Variants in OGFOD1 observed in about 807,000 individuals in gnomAD.
OGFOD1 encodes 2-oxoglutarate and iron dependent oxygenase domain containing 1, also known as prolyl 3-hydroxylase OGFOD1.
A neutral mutation model predicts 67.7 loss-of-function variants in OGFOD1; 54 were observed. That is an observed-to-expected ratio of 0.80 (90% CI 0.64 to 1.00). The LOEUF is 1.00. Among genes scored for constraint, OGFOD1 ranks in the 50% least tolerant of loss-of-function variants. The pLI is 0.00. For missense variants in OGFOD1, 606 were observed against 646.7 expected (o/e 0.94, Z 0.68); for synonymous variants, 221 against 227.0 (o/e 0.97, Z 0.24).
rs201952873 is a variant in OGFOD1 at position 56,470,073 on chromosome 16, C to G, written c.971C>G (p.Pro324Arg). The change falls in exon 9 of 13, where the codon CCT (proline) becomes CGT (arginine). Residue 324 changes from proline to arginine, a missense_variant. Transcript: ENST00000566157. Reference sequence around the variant, plus strand: ...GTGGAATGGAGCAGCCGAGGTCCCCCTAACAAAAGGTAGAACCCGTCATCT... The same window carrying G: ...GTGGAATGGAGCAGCCGAGGTCCCCGTAACAAAAGGTAGAACCCGTCATCT... ...GHVEWSSRGP[P>R]NKRFYEKAEE... The G allele has an allele frequency of 1.5e-5, 25 of 1,613,746 alleles. No homozygotes were observed. The highest frequency in any genetic ancestry group is 2.1e-5 in the Non-Finnish European group (25 of 1,179,846).
At chr16:56,454,700 G>A in intron 2 of OGFOD1, 1 of 348,614 alleles carries the variant, frequency 2.9e-6, no homozygotes, top group South Asian at 2.0e-5. Context: ...TTTTTTTTTT[G>A]CATTTTCCCA....
intron 11 of OGFOD1, among the ~76,000 whole-genome samples, chr16:56,475,187 A>G (rs1596992300): frequency 6.6e-6 from 1 of 152,288 alleles, no homozygotes; most frequent in East Asian, 1.9e-4. Flanking sequence ...ATTTTCCCCT[A>G]AGTGTGCTCC....
At chr16:56,462,362 T>C (rs1328943858) in intron 3 of OGFOD1, among the ~76,000 whole-genome samples, 172 bp from the exon 4 acceptor site, 2 of 152,186 alleles carry the variant, frequency 1.3e-5, no homozygotes, top group Non-Finnish European at 2.9e-5. Context: ...ACTTAAACTA[T>C]GCAAATTTGA....
chr16:56,458,452 G>A (rs1962600691), intron 2 of OGFOD1, 96 bp from the exon 3 acceptor site: 5 of 1,108,986 alleles, frequency 4.5e-6, no homozygotes, highest in Admixed American at 3.5e-5. Context: ...GGCTCTTAAT[G>A]ACAATGCTAG....
At chr16:56,452,495 T>C (rs1180388934) in intron 1 of OGFOD1, among the ~76,000 whole-genome samples, 3 of 152,226 alleles carry the variant, frequency 2.0e-5, no homozygotes, top group Non-Finnish European at 4.4e-5. Context: ...GCGCCAGGCA[T>C]CCCCTTCTAG....
intron 2 of OGFOD1, chr16:56,453,742 C>A (rs750982011): frequency 6.0e-6 from 1 of 166,506 alleles, no homozygotes; most frequent in Non-Finnish European, 1.3e-5. Context: ...ACACAGGTTT[C>A]TATGGGTCTC....
chr16:56,467,826 T>TTA lies in OGFOD1; in HGVS notation c.787-77_787-76dup, dbSNP rs1962969420. The TTA allele has an allele frequency of 3.9e-6, 3 of 765,684 alleles. No homozygotes were observed. The East Asian group carries it at 7.4e-5, about 19-fold the overall frequency. The allele number at this position is 765,684 out of a possible 1,614,324, so 47.4% of individuals were successfully genotyped here. A position where few individuals can be genotyped will look rare whatever the true frequency, so the allele number is the denominator to read the frequency against. ...TATAAAATGAGGATTTGCATGTATTTTATTAGTGTGAAATGATGTAAGAGC... is the reference window on the plus strand; with the variant it reads ...TATAAAATGAGGATTTGCATGTATTTTATATTAGTGTGAAATGATGTAAGAGC... On this transcript the variant is annotated intron_variant, in intron 7 of 12. Transcript: ENST00000566157.
chr16:56,453,482 G>C, intron 2 of OGFOD1, 74 bp downstream of exon 2: 6 of 1,485,588 alleles, frequency 4.0e-6, no homozygotes, highest in Non-Finnish European at 5.5e-6. Flanking sequence ...AATACCTTTA[G>C]ACTTGAGGTT....
At position 56,476,159 on chromosome 16, in the gene OGFOD1, C is replaced by G. The variant is rs778427811; in HGVS notation, c.1583C>G (p.Pro528Arg). 4.3e-6 allele frequency: 7 copies of G among 1,613,176 alleles called. No homozygotes were observed. Among genetic ancestry groups the G allele is most frequent in the African/African-American group, 1.3e-5 (1 of 74,862 alleles). Residue 528 changes from proline to arginine, a missense_variant, in exon 13 of 13, where the codon CCA becomes CGA. By Grantham distance (103) the Pro-to-Arg change is moderately radical. Coordinates refer to ENST00000566157, the MANE Select transcript of OGFOD1 (RefSeq NM_018233.4). ...AGCCTGGAACAAAAGAAAACCTTCC[C>G]AAACAGAACAGGTTTCTGGGACTTT... ...HRSLEQKKTF[P>R]NRTGFWDFSF...
At chr16:56,472,629 T>G (rs1297305323) in intron 10 of OGFOD1, among the ~76,000 whole-genome samples, 1 of 152,182 alleles carries the variant, frequency 6.6e-6, no homozygotes, top group Admixed American at 6.5e-5. Context: ...TTTCAGAATG[T>G]TTAGAAAACA....
At position 56,453,259 on chromosome 16, in the gene OGFOD1, A is replaced by G. The variant is rs1350392333; in HGVS notation, c.155-4A>G. The G allele has an allele frequency of 2.5e-6, 4 of 1,604,690 alleles. No individual in the cohort carries two copies. Among genetic ancestry groups the G allele is most frequent in the Non-Finnish European group, 3.4e-6 (4 of 1,177,464 alleles). On this transcript the variant is annotated splice_polypyrimidine_tract_variant and splice_region_variant and intron_variant, in intron 1 of 12. Coordinates refer to ENST00000566157, the MANE Select transcript of OGFOD1 (RefSeq NM_018233.4). ...AGCCATAGATAATGTTTTTCTTCCA[A>G]CAGAAGTCATTGTCATGGACATGGA... is the stretch of plus-strand genomic sequence containing the variant.
rs749728450 is a variant in OGFOD1, at chr16:56,453,348, G to A, written c.240G>A (p.Gln80=). The A allele has an allele frequency of 6.2e-7, 1 of 1,614,162 alleles. No homozygotes were observed. Among genetic ancestry groups the A allele is most frequent in the Admixed American group, 1.7e-5 (1 of 60,024 alleles). Residue 80 remains glutamine (Q), a synonymous_variant, in exon 2 of 13, where the codon CAG becomes CAA. Coordinates refer to ENST00000566157, the MANE Select transcript of OGFOD1 (RefSeq NM_018233.4). ...IQSQDFLEGL[Q]KELMNLDFHE... ...GCCAAGACTTCTTAGAAGGGCTTCA[G>A]AAGGAACTGATGAACTTGGACTTCC... is the stretch of plus-strand genomic sequence containing the variant.
chr16:56,474,888 T>C lies in OGFOD1; in HGVS notation c.1346T>C (p.Leu449Ser), dbSNP rs757281633. The change falls in exon 11 of 13, where the codon TTA (leucine) becomes TCA (serine). Residue 449 changes from leucine to serine, a missense_variant. Coordinates refer to ENST00000566157, the MANE Select transcript of OGFOD1 (RefSeq NM_018233.4). ...CATTGGAAGACCGGTCACTACACTT[T>C]AATTCATGACCATAGCAAGGCTGAA... Reference protein sequence around the residue: ...LRHWKTGHYTLIHDHSKAEFA... With the variant: ...LRHWKTGHYTSIHDHSKAEFA... The C allele has an allele frequency of 6.2e-7, 1 of 1,613,444 alleles. No homozygotes were observed. The highest frequency in any genetic ancestry group is 8.5e-7 in the Non-Finnish European group (1 of 1,179,336).
In OGFOD1 at chr16:56,453,384, T is replaced by C. The variant is rs776326690; in HGVS notation, c.276T>C (p.Tyr92=). ...TGAACTTGGACTTCCATGAGAAGTA[T>C]AATGATTTATATAAGTTCCAGCAGG... ...ELMNLDFHEK[Y]NDLYKFQQSD... The change falls in exon 2 of 13, where the codon TAT becomes TAC. Residue 92 remains tyrosine (Y), a synonymous_variant. Transcript: ENST00000566157. 6.2e-7 allele frequency: 1 copy of C among 1,611,662 alleles called. No individual in the cohort carries two copies. Among genetic ancestry groups the C allele is most frequent in the African/African-American group, 1.3e-5 (1 of 74,772 alleles).
At chr16:56,470,855 AT>A in intron 10 of OGFOD1, 64 bp downstream of exon 10, 1 of 1,430,902 alleles carries the variant, frequency 7.0e-7, no homozygotes, top group Non-Finnish European at 9.3e-7. Flanking sequence ...ACATGTATTC[AT>A]TCAACAAACA....
At chr16:56,470,831 C>T (rs542740991) in intron 10 of OGFOD1, 40 bp downstream of exon 10, 2 of 1,489,484 alleles carry the variant, frequency 1.3e-6, no homozygotes, top group Non-Finnish European at 1.8e-6. Context: ...TACCATTAAC[C>T]ATTCACCATT....
chr16:56,474,971 C>T lies in OGFOD1; in HGVS notation c.1408+21C>T, dbSNP rs759175403. The T allele has an allele frequency of 3.4e-5, 55 of 1,611,324 alleles. No homozygotes were observed. The Admixed American group carries it at 5.0e-4, about 15-fold the overall frequency. ...TGAAGGTAAGAGGGAGGAAAGCAAGCGGTGGATTATTCCCCGTAGGAGGGG... is the reference window on the plus strand; with the variant it reads ...TGAAGGTAAGAGGGAGGAAAGCAAGTGGTGGATTATTCCCCGTAGGAGGGG... On this transcript the variant is annotated intron_variant, in intron 11 of 12. Coordinates refer to ENST00000566157, the MANE Select transcript of OGFOD1 (RefSeq NM_018233.4).
intron 4 of OGFOD1, chr16:56,465,697 G>GA (rs1180678574): frequency 6.5e-6 from 1 of 153,308 alleles, no homozygotes; most frequent in Non-Finnish European, 1.5e-5. Flanking sequence ...TTAACAAATA[G>GA]AAAATCTATT....
intron 2 of OGFOD1, chr16:56,454,940 AT>A (rs1962475864): frequency 4.9e-6 from 1 of 205,636 alleles, no homozygotes; most frequent in African/African-American, 2.4e-5. Flanking sequence ...GCACAGGTTA[AT>A]TAAAAACCGC....
Sources: gnomAD v4.1 joint callset for allele counts (sites outside exome capture counted in the v4.1 genomes callset) on GRCh38, gnomAD v4.1.1 for gene constraint, MANE v1.5 for transcripts, NCBI Gene and HGNC (gene_info 2026-07-23, HGNC 2026-07-21) for gene names.